Variants in NEO1 observed in about 807,000 individuals in gnomAD.
NEO1 encodes the protein neogenin 1.
In NEO1, 63 loss-of-function variants were observed where a neutral mutation model predicts 159.7. The observed-to-expected ratio is 0.39, with a 90% confidence interval of 0.32 to 0.49. The LOEUF (loss-of-function observed/expected upper bound fraction) is 0.49, where lower values mean the gene tolerates loss of function less well. NEO1 is among the 20% of genes least tolerant of loss of function. NEO1 has a pLI of 0.85. For missense variants in NEO1, 1,615 were observed against 1,831.0 expected, an observed-to-expected ratio of 0.88 and a Z score of 2.15; for synonymous variants, 633 against 662.0, an observed-to-expected ratio of 0.96 and a Z score of 0.67.
intron 4 of NEO1, among the ~76,000 whole-genome samples, chr15:73,133,691 A>G (rs1322056891): frequency 2.0e-5 from 3 of 152,120 alleles, no homozygotes; most frequent in Non-Finnish European, 4.4e-5. Flanking sequence ...TTGGCTGTAT[A>G]TATTTTTTCA....
chr15:73,179,865 A>G (rs1053101666), intron 7 of NEO1, among the ~76,000 whole-genome samples: 37 of 148,742 alleles, frequency 2.5e-4, no homozygotes, highest in South Asian at 1.1e-3. Flanking sequence ...AATAATATGT[A>G]TATATATATA....
At chr15:73,165,694 A>G (rs1415291248) in intron 5 of NEO1, among the ~76,000 whole-genome samples, 1 of 152,188 alleles carries the variant, frequency 6.6e-6, no homozygotes, top group Non-Finnish European at 1.5e-5. Context: ...GGTTGGAACA[A>G]AAGTTTAATA....
chr15:73,290,518 C>A (rs1460728143), intron 25 of NEO1, among the ~76,000 whole-genome samples: 1 of 124 alleles, frequency 8.1e-3, no homozygotes, highest in Admixed American at 0.12. Context: ...CAGGCCTGAG[C>A]CACCACCACC....
chr15:73,244,898 T>C (rs1477679745), intron 9 of NEO1, among the ~76,000 whole-genome samples: 1 of 128,718 alleles, frequency 7.8e-6, no homozygotes, highest in Non-Finnish European at 1.5e-5. Context: ...GAGGTTGCAG[T>C]GAGCTGAGAT....
intron 4 of NEO1, 98 bp from the exon 5 acceptor site, chr15:73,135,793 C>A: frequency 9.4e-7 from 1 of 1,063,586 alleles, no homozygotes; most frequent in Non-Finnish European, 1.3e-6. Context: ...AATAATAATA[C>A]TCTTTAAGTG....
At chr15:73,122,866 ATT>A in intron 3 of NEO1, 66 bp downstream of exon 3, 1 of 1,572,866 alleles carries the variant, frequency 6.4e-7, no homozygotes, top group Non-Finnish European at 8.7e-7. Context: ...TTCTGTTAGA[ATT>A]TTTAAAAATA....
chr15:73,279,196 CTGTTT>C (rs1214766462), intron 22 of NEO1, among the ~76,000 whole-genome samples: 19 of 152,070 alleles, frequency 1.2e-4, no homozygotes, highest in Admixed American at 1.2e-3. Context: ...TTCTAGGACT[CTGTTT>C]ATGAGTTTCT....
intron 4 of NEO1, 47 bp downstream of exon 4, chr15:73,126,617 T>A: frequency 1.3e-6 from 2 of 1,571,072 alleles, no homozygotes; most frequent in Non-Finnish European, 1.7e-6. Context: ...AGCTTGAGAC[T>A]TTGTCATATC....
chr15:73,065,845 A>G (rs187982939), intron 1 of NEO1, among the ~76,000 whole-genome samples: 1 of 152,076 alleles, frequency 6.6e-6, no homozygotes, highest in Admixed American at 6.5e-5. Context: ...TTACATCCTT[A>G]TCTCTCTGAT....
intron 5 of NEO1, among the ~76,000 whole-genome samples, chr15:73,148,023 G>A (rs559012147): frequency 3.3e-5 from 5 of 151,996 alleles, no homozygotes; most frequent in Non-Finnish European, 7.4e-5. Flanking sequence ...ATGTTGGCCA[G>A]GCTGTTCTTG....
chr15:73,247,965 G>A (rs8030750), intron 9 of NEO1, among the ~76,000 whole-genome samples: 24 of 152,198 alleles, frequency 1.6e-4, no homozygotes, highest in African/African-American at 5.1e-4. Flanking sequence ...ATCTCCTTAC[G>A]GGTCTTCTTG....
chr15:73,218,830 TTGCTAGC>T (rs1158907663), intron 7 of NEO1, among the ~76,000 whole-genome samples: 1 of 152,162 alleles, frequency 6.6e-6, no homozygotes, highest in Non-Finnish European at 1.5e-5. Flanking sequence ...TTTATTAGTC[TTGCTAGC>T]AGTCTATCAA....
intron 1 of NEO1, among the ~76,000 whole-genome samples, chr15:73,087,570 A>G (rs935256837): frequency 6.6e-6 from 1 of 152,160 alleles, no homozygotes; most frequent in Non-Finnish European, 1.5e-5. Context: ...ATCATGTGGA[A>G]TGTTATTTCT....
intron 5 of NEO1, among the ~76,000 whole-genome samples, chr15:73,140,649 A>T (rs2032291756): frequency 6.6e-6 from 1 of 152,218 alleles, no homozygotes; most frequent in African/African-American, 2.4e-5. Flanking sequence ...GTATAATTAT[A>T]TGCCCCCAAA....
At chr15:73,102,198 T>C (rs2070438729) in intron 1 of NEO1, among the ~76,000 whole-genome samples, 1 of 152,046 alleles carries the variant, frequency 6.6e-6, no homozygotes, top group African/African-American at 2.4e-5. Context: ...AAACCCCATC[T>C]CTACTAAAAA....
At chr15:73,160,948 G>T (rs1195285007) in intron 5 of NEO1, among the ~76,000 whole-genome samples, 1 of 152,096 alleles carries the variant, frequency 6.6e-6, no homozygotes, top group African/African-American at 2.4e-5. Flanking sequence ...TCTCATGTTT[G>T]ATTCCACTGT....
intron 15 of NEO1, among the ~76,000 whole-genome samples, chr15:73,262,560 T>C (rs1358642942): frequency 6.6e-6 from 1 of 152,132 alleles, no homozygotes; most frequent in African/African-American, 2.4e-5. Flanking sequence ...TGAAATGCTA[T>C]TGCACACCCG....
intron 8 of NEO1, among the ~76,000 whole-genome samples, chr15:73,237,700 T>C (rs2039258149): frequency 6.6e-6 from 1 of 152,176 alleles, no homozygotes; most frequent in Non-Finnish European, 1.5e-5. Flanking sequence ...TTTTGAGTTT[T>C]ACAAGGGTAG....
chr15:73,244,230 T>G (rs2039636451), intron 8 of NEO1, 114 bp from the exon 9 acceptor site: 60 of 1,208,826 alleles, frequency 5.0e-5, no homozygotes, highest in Non-Finnish European at 6.3e-5. Flanking sequence ...CTTCATTGTT[T>G]GAGAGCTAAT....
Sources: allele counts gnomAD v4.1 joint callset (sites outside exome capture counted in the v4.1 genomes callset), GRCh38; gene constraint gnomAD v4.1.1; transcripts MANE v1.5; gene names NCBI Gene and HGNC (gene_info 2026-07-23, HGNC 2026-07-21).